The following SLC30A9 variants were observed in gnomAD, a reference collection of about 807,000 sequenced individuals.
The protein encoded by SLC30A9 is solute carrier family 30 member 9, also known as proton-coupled zinc antiporter SLC30A9, mitochondrial.
A neutral mutation model predicts 87.5 loss-of-function variants in SLC30A9; 58 were observed. The observed-to-expected ratio is 0.66, with a 90% CI of 0.54 to 0.82. SLC30A9 has a LOEUF of 0.82. SLC30A9 is among the 40% of genes least tolerant of loss of function. SLC30A9 has a pLI of 0.00. For synonymous variants in SLC30A9, 234 were observed against 233.0 expected (o/e 1.00, Z -0.04); for missense variants, 557 against 679.1 (o/e 0.82, Z 2.00).
intron 2 of SLC30A9, among the ~76,000 whole-genome samples, chr4:42,006,686 CAA>C (rs61627323): frequency 2.3e-5 from 3 of 129,324 alleles, no homozygotes; most frequent in African/African-American, 6.9e-5. Context: ...GACCCTGTCT[CAA>C]AAAAAAAAAA....
Position 41,990,711 on chromosome 4 carries a change from G to T in SLC30A9, c.60G>T (p.Arg20=). 1 of 1,612,090 alleles carries T rather than the reference G, an allele frequency of 6.2e-7. No individual in the cohort carries two copies. The highest frequency in any genetic ancestry group is 8.5e-7 in the Non-Finnish European group (1 of 1,179,392). ...AHRCSWSSLC[R]LRLRCRAAAC... Reference sequence around the variant, plus strand: ...GATGTAGCTGGTCCTCCCTGTGCCGGCTCCGTCTGCGATGCAGGGCGGCGG... The same window carrying T: ...GATGTAGCTGGTCCTCCCTGTGCCGTCTCCGTCTGCGATGCAGGGCGGCGG... The change falls in exon 1 of 18, where the codon CGG becomes CGT. Residue 20 remains arginine (R), a synonymous_variant. Transcript: ENST00000264451.
At chr4:42,083,016 G>T (rs1004959047) in intron 17 of SLC30A9, among the ~76,000 whole-genome samples, 2 of 151,900 alleles carry the variant, frequency 1.3e-5, no homozygotes, top group Non-Finnish European at 2.9e-5. Context: ...AACATTTTTT[G>T]TCTTATCTCT....
At position 42,070,648 on chromosome 4, in the gene SLC30A9, G is replaced by A. The variant is rs759471504; in HGVS notation, c.1375G>A (p.Val459Ile). Residue 459 changes from valine to isoleucine, a missense_variant, in exon 15 of 18, where the codon GTA (valine) becomes ATA (isoleucine). Val to Ile is a conservative substitution (Grantham distance 29). Around this residue, in one of 2 missense-constraint regions of SLC30A9, gnomAD observed 90 missense variants for 149.4 expected, o/e 0.60. Transcript: ENST00000264451. ...LLGRSIQPEQ[V>I]QRLTELLEND... ...AGGGCGGTCCATCCAGCCAGAACAAGTACAACGGCTCACTGAACTCCTGGA... is the reference window on the plus strand; with the variant it reads ...AGGGCGGTCCATCCAGCCAGAACAAATACAACGGCTCACTGAACTCCTGGA... 4 of 1,613,832 alleles carry A rather than the reference G, an allele frequency of 2.5e-6. No homozygotes were observed. Among genetic ancestry groups the A allele is most frequent in the Non-Finnish European group, 3.4e-6 (4 of 1,179,908 alleles).
intron 1 of SLC30A9, among the ~76,000 whole-genome samples, chr4:42,000,769 A>G (rs1228357919): frequency 3.9e-5 from 6 of 152,086 alleles, no homozygotes; most frequent in African/African-American, 1.4e-4. Context: ...CACTTACAAA[A>G]GTTTCAACTC....
At chr4:42,002,112 G>C (rs1045388485) in intron 2 of SLC30A9, among the ~76,000 whole-genome samples, 2 of 150,716 alleles carry the variant, frequency 1.3e-5, no homozygotes, top group African/African-American at 2.4e-5. Flanking sequence ...TTCTTGGCTA[G>C]TCTTCCCAGA....
chr4:41,992,961 A>G (rs766649005), intron 1 of SLC30A9, among the ~76,000 whole-genome samples: 4 of 152,072 alleles, frequency 2.6e-5, no homozygotes, highest in Non-Finnish European at 4.4e-5. Context: ...GGAAAAGCTT[A>G]TAAAGCATAA....
chr4:42,001,758 A>T lies in SLC30A9; in HGVS notation c.252A>T (p.Glu84Asp), dbSNP rs115329927. Residue 84 changes from glutamate (E) to aspartate (D), a missense_variant, in exon 2 of 18, where the codon GAA becomes GAT. Glu to Asp is a conservative substitution (Grantham distance 45). Coordinates refer to ENST00000264451, the MANE Select transcript of SLC30A9 (RefSeq NM_006345.4). ...EGQGSQTLRV[E>D]KVPSFETAEG... ...AGGGATCACAAACACTCAGAGTGGA[A>T]AAAGTACCATCATTTGAAACAGGTA... 4.2e-4 allele frequency: 676 copies of T among 1,609,732 alleles called. 2 individuals carry two copies. In the African/African-American group the frequency reaches 8.4e-3, roughly 20 times the overall value.
chr4:42,018,995 AT>A (rs1258220306), intron 3 of SLC30A9, among the ~76,000 whole-genome samples: 1 of 120,144 alleles, frequency 8.3e-6, no homozygotes, highest in African/African-American at 2.5e-5. Flanking sequence ...CAAAAAAAAA[AT>A]CTGTATTTCC....
At chr4:42,036,330 A>G (rs1367976116) in intron 7 of SLC30A9, among the ~76,000 whole-genome samples, 1 of 152,092 alleles carries the variant, frequency 6.6e-6, no homozygotes, top group Non-Finnish European at 1.5e-5. Flanking sequence ...ACATGTGACA[A>G]AATACTCTGC....
At chr4:42,032,047 A>G (rs1226453073) in intron 6 of SLC30A9, among the ~76,000 whole-genome samples, 1 of 152,216 alleles carries the variant, frequency 6.6e-6, no homozygotes, top group Non-Finnish European at 1.5e-5. Context: ...GAAGGCAAAG[A>G]TGGAACAGGT....
chr4:42,022,244 C>CTT (rs113214269), intron 4 of SLC30A9, among the ~76,000 whole-genome samples: 34 of 128,564 alleles, frequency 2.6e-4, no homozygotes, highest in African/African-American at 7.8e-4. Context: ...TTATTTTTCA[C>CTT]TTTTTTTTTT....
At chr4:41,996,901 G>A (rs1316306343) in intron 1 of SLC30A9, among the ~76,000 whole-genome samples, 1 of 152,136 alleles carries the variant, frequency 6.6e-6, no homozygotes, top group East Asian at 1.9e-4. Flanking sequence ...AGGCGTGGTG[G>A]CACATGCCTG....
At chr4:42,055,255 A>G (rs968093067) in intron 9 of SLC30A9, among the ~76,000 whole-genome samples, 2 of 152,162 alleles carry the variant, frequency 1.3e-5, no homozygotes, top group African/African-American at 4.8e-5. Context: ...TTCGAGACCT[A>G]TAATATTTTT....
chr4:42,042,747 A>G (rs767251221), intron 8 of SLC30A9, among the ~76,000 whole-genome samples: 4 of 152,174 alleles, frequency 2.6e-5, no homozygotes, highest in Non-Finnish European at 4.4e-5. Context: ...CTGCCTCCTC[A>G]AGTGGGTCCT....
At chr4:42,073,549 G>A (rs1332306577) in intron 15 of SLC30A9, among the ~76,000 whole-genome samples, 1 of 152,136 alleles carries the variant, frequency 6.6e-6, no homozygotes, top group Non-Finnish European at 1.5e-5. Flanking sequence ...TCAGGAATCA[G>A]GGCACAGCTT....
chr4:42,020,395 G>T, intron 3 of SLC30A9, 21 bp from the exon 4 acceptor site: 1 of 1,155,996 alleles, frequency 8.7e-7, no homozygotes, highest in Non-Finnish European at 1.3e-6. Flanking sequence ...TATTTATTAT[G>T]TTTTCCTGTT....
chr4:42,088,139 C>T lies in SLC30A9; in HGVS notation c.*2013C>T, dbSNP rs1296757544. On this transcript the variant is annotated 3_prime_UTR_variant, in exon 18 of 18. Transcript: ENST00000264451. ...TCTAATTCTGTTTTGCACTGATAAACTTACATAAAGTTTGTTTATGTAAAA... is the reference window on the plus strand; with the variant it reads ...TCTAATTCTGTTTTGCACTGATAAATTTACATAAAGTTTGTTTATGTAAAA... The T allele has an allele frequency of 6.6e-6, 1 of 151,970 alleles. No homozygotes were observed. The highest frequency in any genetic ancestry group is 2.4e-5 in the African/African-American group (1 of 41,362). 9.4% of individuals were successfully genotyped at this position (151,970 alleles called of 1,614,324 possible).
intron 1 of SLC30A9, among the ~76,000 whole-genome samples, chr4:41,997,497 A>C (rs1018110031): frequency 6.6e-6 from 1 of 152,154 alleles, no homozygotes; most frequent in Non-Finnish European, 1.5e-5. Flanking sequence ...GTATAAAGTA[A>C]AAACTATGCA....
chr4:42,077,778 C>A (rs1718611844), intron 16 of SLC30A9, among the ~76,000 whole-genome samples: 1 of 151,694 alleles, frequency 6.6e-6, no homozygotes, highest in South Asian at 2.1e-4. Context: ...GATTTGTAAT[C>A]TTTTCCTCTG....
Sources: gnomAD v4.1 joint callset for allele counts (sites outside exome capture counted in the v4.1 genomes callset) on GRCh38, gnomAD v4.1.1 for gene constraint, gnomAD v4.1.1 regional missense constraint, MANE v1.5 for transcripts, NCBI Gene and HGNC (gene_info 2026-07-23, HGNC 2026-07-21) for gene names.